The following PRKCZ variants were observed in gnomAD, a reference collection of about 807,000 sequenced individuals.
The protein encoded by PRKCZ is protein kinase C zeta type.
Under a neutral mutation model 79.5 loss-of-function variants are expected in PRKCZ, and 33 were observed. The ratio of observed to expected loss-of-function variants is 0.41; its 90% CI spans 0.31 to 0.55. PRKCZ has a LOEUF of 0.55. PRKCZ is among the 20% of genes least tolerant of loss of function. The pLI is 0.19. For missense variants in PRKCZ, 578 were observed against 813.5 expected (o/e 0.71, Z 3.52); for synonymous variants, 342 against 320.9 (o/e 1.07, Z -0.70).
At chr1:2,091,447 G>C (rs1665484492) in intron 4 of PRKCZ, among the ~76,000 whole-genome samples, 1 of 152,164 alleles carries the variant, frequency 6.6e-6, no homozygotes, top group African/African-American at 2.4e-5. Flanking sequence ...CCAATCTCCA[G>C]AATTTCATCT....
chr1:2,050,847 TC>T, intron 1 of PRKCZ, 146 bp downstream of exon 1: 1 of 453,808 alleles, frequency 2.2e-6, no homozygotes, highest in Non-Finnish European at 3.5e-6. Flanking sequence ...AGGTCCTCGG[TC>T]CCCGCCCGTG....
At chr1:2,055,625 T>A in intron 2 of PRKCZ, 63 bp downstream of exon 2, 1 of 1,571,192 alleles carries the variant, frequency 6.4e-7, no homozygotes, top group South Asian at 1.2e-5. Flanking sequence ...GGGCAGCCTC[T>A]GTGTGCGGAG....
In PRKCZ at chr1:2,174,868, G is replaced by A. The variant is rs1298023974; in HGVS notation, c.1485+35G>A. On this transcript the variant is annotated intron_variant, in intron 15 of 17. Coordinates refer to ENST00000378567, the MANE Select transcript of PRKCZ (RefSeq NM_002744.6). This position sits in a 1 kb window ranked among gnomAD's most constrained non-coding sequence, Gnocchi z 6.2. ...TGGCCATGCTGACAAAATCTCGTTT[G>A]TGGCCTCGGTGTTGGTGGGCAGAGG... 6.2e-7 allele frequency: 1 copy of A among 1,600,432 alleles called. No homozygotes were observed. Among genetic ancestry groups the A allele is most frequent in the Non-Finnish European group, 8.6e-7 (1 of 1,167,766 alleles).
intron 4 of PRKCZ, among the ~76,000 whole-genome samples, chr1:2,093,019 C>T (rs1438092600): frequency 6.6e-6 from 1 of 152,222 alleles, no homozygotes; most frequent in Admixed American, 6.5e-5. Flanking sequence ...CCTCACCCCC[C>T]AGTTACACCC....
At chr1:2,115,208 C>T (rs1193896099) in intron 4 of PRKCZ, among the ~76,000 whole-genome samples, 2 of 152,264 alleles carry the variant, frequency 1.3e-5, no homozygotes, top group Admixed American at 6.5e-5. Context: ...GTGTGGGGTG[C>T]GGTTCTGCCG....
intron 4 of PRKCZ, among the ~76,000 whole-genome samples, chr1:2,069,433 G>A (rs1661386906): frequency 6.6e-6 from 1 of 152,218 alleles, no homozygotes; most frequent in Admixed American, 6.5e-5. Context: ...CAACCAGAAC[G>A]TTGCCATTAC....
At chr1:2,117,231 C>A (rs1323606490) in intron 4 of PRKCZ, among the ~76,000 whole-genome samples, 2 of 152,168 alleles carry the variant, frequency 1.3e-5, no homozygotes, top group African/African-American at 4.8e-5. Context: ...ATTACAGATG[C>A]AAGCCACTGC....
intron 4 of PRKCZ, among the ~76,000 whole-genome samples, chr1:2,070,813 C>T (rs1314843453): frequency 5.0e-5 from 5 of 99,880 alleles, no homozygotes; most frequent in African/African-American, 1.4e-4. Flanking sequence ...CTGCGGGGGC[C>T]GGGGTGGGCC....
chr1:2,087,449 G>T (rs755923213), intron 4 of PRKCZ, among the ~76,000 whole-genome samples: 5 of 152,146 alleles, frequency 3.3e-5, no homozygotes, highest in Non-Finnish European at 7.3e-5. Flanking sequence ...GCAACAGCTG[G>T]CAGTGCAGCC....
chr1:2,115,653 G>A (rs949410292), intron 4 of PRKCZ, among the ~76,000 whole-genome samples: 1 of 152,170 alleles, frequency 6.6e-6, no homozygotes, highest in African/African-American at 2.4e-5. Context: ...GCTGTGAATC[G>A]GGGGTGTCCG....
At chr1:2,154,423 G>A (rs1252882544) in intron 9 of PRKCZ, among the ~76,000 whole-genome samples, 3 of 152,176 alleles carry the variant, frequency 2.0e-5, no homozygotes, top group African/African-American at 4.8e-5. Context: ...GGAGGAGGGC[G>A]CTGAGGAGGA....
intron 4 of PRKCZ, among the ~76,000 whole-genome samples, chr1:2,064,952 T>C (rs1163429848): frequency 6.6e-6 from 1 of 152,278 alleles, no homozygotes; most frequent in Non-Finnish European, 1.5e-5. Context: ...TGCTGACATC[T>C]TAACAGTATG....
chr1:2,182,041 C>T (rs1390062324), intron 16 of PRKCZ: 1 of 351,180 alleles, frequency 2.8e-6, no homozygotes, highest in African/African-American at 2.1e-5. Context: ...ACCGCCCTGA[C>T]ACGTGTCCAG....
Position 2,125,055 on chromosome 1 carries a change from C to A in PRKCZ, c.335-10207C>A, listed in dbSNP as rs946688728. 1.3e-5 allele frequency among the ~76,000 whole-genome samples: 2 copies of A among 152,080 alleles called. No individual in the cohort carries two copies. The highest frequency in any genetic ancestry group is 4.8e-5 in the African/African-American group (2 of 41,398). On this transcript the variant is annotated intron_variant, in intron 4 of 17. Transcript: ENST00000378567. This position sits in a 1 kb window ranked among gnomAD's most constrained non-coding sequence, Gnocchi z 4.2. ...CTTGCCAGCCTGGCTCTGTGCCGGG[C>A]GCTGGGCAATCTCTGCCTCCAGCCT...
intron 4 of PRKCZ, among the ~76,000 whole-genome samples, chr1:2,072,801 G>A (rs1174550608): frequency 6.6e-6 from 1 of 152,132 alleles, no homozygotes; most frequent in Non-Finnish European, 1.5e-5. Flanking sequence ...TGCAGGGAGC[G>A]TGTGGTGTGA....
chr1:2,154,257 C>T lies in PRKCZ; in HGVS notation c.877-1738C>T, dbSNP rs997819671. On this transcript the variant is annotated intron_variant, in intron 9 of 17. Coordinates refer to ENST00000378567, the MANE Select transcript of PRKCZ (RefSeq NM_002744.6). ...GTGGCCTGGGGTGGCGTGAGATACC[C>T]GGGTGCACATGTTGAGCAGCCGTCG... 4.6e-5 allele frequency among the ~76,000 whole-genome samples: 7 copies of T among 152,106 alleles called. No individual in the cohort carries two copies. In the South Asian group the frequency reaches 8.3e-4, roughly 18 times the overall value.
intron 4 of PRKCZ, among the ~76,000 whole-genome samples, chr1:2,084,015 T>TGAGGTCAGGAGTTC (rs1268521256): frequency 6.6e-6 from 1 of 152,178 alleles, no homozygotes; most frequent in Non-Finnish European, 1.5e-5. Flanking sequence ...GCAGATCACT[T>TGAGGTCAGGAGTTC]GAGGTCAGGA....
At chr1:2,108,991 C>A (rs534352811) in intron 4 of PRKCZ, among the ~76,000 whole-genome samples, 7 of 152,296 alleles carry the variant, frequency 4.6e-5, no homozygotes, top group African/African-American at 1.2e-4. Flanking sequence ...CCTGAGTCAC[C>A]CCAGCCTCTG....
At chr1:2,151,011 C>T (rs753868895) in intron 9 of PRKCZ, 33 bp downstream of exon 9, 19 of 1,608,838 alleles carry the variant, frequency 1.2e-5, no homozygotes, top group African/African-American at 9.4e-5. Flanking sequence ...CCCGGGGGCC[C>T]GGGAACGCGC....
Sources: gnomAD v4.1 joint callset for allele counts (sites outside exome capture counted in the v4.1 genomes callset) on GRCh38, gnomAD v4.1.1 for gene constraint, Gnocchi (gnomAD v3.1) non-coding constraint, MANE v1.5 for transcripts, NCBI Gene and HGNC (gene_info 2026-07-23, HGNC 2026-07-21) for gene names.